The following SEC61A2 variants were observed in gnomAD, a reference collection of about 807,000 sequenced individuals.
SEC61A2 encodes SEC61 translocon subunit alpha 2, also known as protein transport protein Sec61 subunit alpha isoform 2.
Under a neutral mutation model 59.9 loss-of-function variants are expected in SEC61A2, and 28 were observed. That is an observed-to-expected ratio of 0.47 (90% CI 0.35 to 0.64). SEC61A2 has a LOEUF of 0.64. SEC61A2 is among the 30% of genes least tolerant of loss of function. The pLI, the probability that SEC61A2 is intolerant of heterozygous loss-of-function variation, is 0.01. For synonymous variants in SEC61A2, 202 were observed against 214.4 expected, an observed-to-expected ratio of 0.94 and a Z score of 0.50; for missense variants, 340 against 585.9, an observed-to-expected ratio of 0.58 and a Z score of 4.33.
rs898731002 is a variant in SEC61A2, at chr10:12,161,504, A to T, written c.1167+383A>T. On this transcript the variant is annotated intron_variant, in intron 10 of 11. Transcript: ENST00000298428. The surrounding 1 kb of genome is among the most constrained non-coding windows in gnomAD (Gnocchi z 5.4). ...ACGCCTGTAATCCCAGCACTTCGGG[A>T]GGCCGAGGTGGGCAGATCCCATGGG... Among the ~76,000 whole-genome samples, 1 of 152,228 alleles carries T rather than the reference A, an allele frequency of 6.6e-6. No homozygotes were observed. Among genetic ancestry groups the T allele is most frequent in the Non-Finnish European group, 1.5e-5 (1 of 68,044 alleles).
Position 12,155,269 on chromosome 10 carries a change from A to G in SEC61A2, c.463-509A>G, listed in dbSNP as rs1425502730. The G allele has an allele frequency of 1.5e-6, 2 of 1,305,416 alleles. No individual in the cohort carries two copies. Among genetic ancestry groups the G allele is most frequent in the Admixed American group, 3.1e-5 (1 of 32,082 alleles). 80.9% of individuals were successfully genotyped at this position (1,305,416 alleles called of 1,614,324 possible). On this transcript the variant is annotated intron_variant, in intron 6 of 11. Transcript: ENST00000298428. The surrounding 1 kb of genome is among the most constrained non-coding windows in gnomAD (Gnocchi z 4.3). ...GTTTTTTATTCTGTACACATTTTAT[A>G]GAGTATACATATATATAATATATAT...
downstream of SEC61A2, chr10:12,167,705 A>T: frequency 6.2e-7 from 1 of 1,614,084 alleles, no homozygotes; most frequent in Non-Finnish European, 8.5e-7. Flanking sequence ...TTTGGGCTTA[A>T]AATTTCAAGA....
At position 12,160,816 on chromosome 10, in the gene SEC61A2, C is replaced by A; in HGVS notation, c.976-114C>A. ...TTCTGAAACTACATAGAATGACTAG[C>A]TGTAGATGCCTTGAACTTAAAACAC... On this transcript the variant is annotated intron_variant, in intron 9 of 11. Coordinates refer to ENST00000298428, the MANE Select transcript of SEC61A2 (RefSeq NM_018144.4). The surrounding 1 kb of genome is among the most constrained non-coding windows in gnomAD (Gnocchi z 4.1). The A allele has an allele frequency of 4.9e-6, 4 of 810,420 alleles. No individual in the cohort carries two copies. The highest frequency in any genetic ancestry group is 5.9e-6 in the Non-Finnish European group (3 of 505,160). 50.2% of individuals were successfully genotyped at this position (810,420 alleles called of 1,614,324 possible). A position where few individuals can be genotyped will look rare whatever the true frequency, so the allele number is the denominator to read the frequency against.
downstream of SEC61A2, among the ~76,000 whole-genome samples, chr10:12,168,476 G>A (rs2131694813): frequency 6.6e-6 from 1 of 152,278 alleles, no homozygotes; most frequent in Non-Finnish European, 1.5e-5. The surrounding 1 kb of genome is among the most constrained non-coding windows in gnomAD (Gnocchi z 4.8). Flanking sequence ...CTGCTGCTAG[G>A]GGATACATAT....
In SEC61A2 at chr10:12,158,255, G is replaced by T. The variant is rs976562895; in HGVS notation, c.975+150G>T. 23 of 644,684 alleles carry T rather than the reference G, an allele frequency of 3.6e-5. No individual in the cohort carries two copies. Among genetic ancestry groups the T allele is most frequent in the Non-Finnish European group, 4.7e-5 (18 of 386,590 alleles). The allele number at this position is 644,684 out of a possible 1,614,324, so 39.9% of individuals were successfully genotyped here. ...AGCAGAGTTTAGTACTTATCTGGAAGAACTGGTAAGTGTTGCAGAAGTAAG... is the reference window on the plus strand; with the variant it reads ...AGCAGAGTTTAGTACTTATCTGGAATAACTGGTAAGTGTTGCAGAAGTAAG... On this transcript the variant is annotated intron_variant, in intron 9 of 11. Transcript: ENST00000298428. The surrounding 1 kb of genome is among the most constrained non-coding windows in gnomAD (Gnocchi z 5.7).
At position 12,164,261 on chromosome 10, in the gene SEC61A2, C is replaced by A. The variant is rs1257754934; in HGVS notation, c.1245-7C>A. The A allele has an allele frequency of 6.2e-7, 1 of 1,612,500 alleles. No individual in the cohort carries two copies. The highest frequency in any genetic ancestry group is 1.7e-5 in the Admixed American group (1 of 59,986). On this transcript the variant is annotated splice_polypyrimidine_tract_variant and splice_region_variant and intron_variant, in intron 11 of 11. Transcript: ENST00000298428. This position sits in a 1 kb window ranked among gnomAD's most constrained non-coding sequence, Gnocchi z 7.3. ...GCTGCCGCCTAACTTGGGGTTCTGT[C>A]TCCTAGGTACATCCCCACCGCAGCT...
intron 3 of SEC61A2, among the ~76,000 whole-genome samples, chr10:12,136,459 T>C (rs1282109496): frequency 6.6e-6 from 1 of 150,714 alleles, no homozygotes; most frequent in Non-Finnish European, 1.5e-5. Flanking sequence ...AGGTTCCTAC[T>C]ACCATGCCCA....
chr10:12,169,715 A>G, downstream of SEC61A2: 1 of 226,574 alleles, frequency 4.4e-6, no homozygotes, highest in Non-Finnish European at 8.6e-6. This position sits in a 1 kb window ranked among gnomAD's most constrained non-coding sequence, Gnocchi z 4.8. Flanking sequence ...AAGAAATCAC[A>G]GCAGCCTTTG....
Position 12,158,251 on chromosome 10 carries a change from G to GA in SEC61A2, c.975+146_975+147insA. On this transcript the variant is annotated intron_variant, in intron 9 of 11. Transcript: ENST00000298428. The surrounding 1 kb of genome is among the most constrained non-coding windows in gnomAD (Gnocchi z 5.7). ...ATATAGCAGAGTTTAGTACTTATCT[G>GA]GAAGAACTGGTAAGTGTTGCAGAAG... 1 of 653,886 alleles carries GA rather than the reference G, an allele frequency of 1.5e-6. No individual in the cohort carries two copies. The highest frequency in any genetic ancestry group is 2.5e-6 in the Non-Finnish European group (1 of 393,348). The allele number at this position is 653,886 out of a possible 1,614,324, so 40.5% of individuals were successfully genotyped here. A position where few individuals can be genotyped will look rare whatever the true frequency, so the allele number is the denominator to read the frequency against.
intron 4 of SEC61A2, among the ~76,000 whole-genome samples, chr10:12,147,738 G>A (rs1834175465): frequency 6.6e-6 from 1 of 151,540 alleles, no homozygotes; most frequent in South Asian, 2.1e-4. Flanking sequence ...TGTGAGGCAT[G>A]AGGCATGAGG....
At chr10:12,130,524 T>C (rs947027302) in intron 1 of SEC61A2, among the ~76,000 whole-genome samples, 4 of 151,944 alleles carry the variant, frequency 2.6e-5, no homozygotes, top group Admixed American at 1.3e-4. Flanking sequence ...CGTGGTAAAA[T>C]TTTGCATCAC....
Position 12,155,016 on chromosome 10 carries a change from G to A in SEC61A2, c.463-762G>A, listed in dbSNP as rs779422333. 2.5e-4 allele frequency among the ~76,000 whole-genome samples: 38 copies of A among 151,998 alleles called. No individual in the cohort carries two copies. The highest frequency in any genetic ancestry group is 4.0e-4 in the Non-Finnish European group (27 of 68,012). Reference sequence around the variant, plus strand: ...CTGAGGAGGTCACTTGAAGGGCTAGGGACTGTTTTTAATTAATGCATACTT... The same window carrying A: ...CTGAGGAGGTCACTTGAAGGGCTAGAGACTGTTTTTAATTAATGCATACTT... On this transcript the variant is annotated intron_variant, in intron 6 of 11. Coordinates refer to ENST00000298428, the MANE Select transcript of SEC61A2 (RefSeq NM_018144.4). The surrounding 1 kb of genome is among the most constrained non-coding windows in gnomAD (Gnocchi z 4.3).
Position 12,133,325 on chromosome 10 carries a change from A to G in SEC61A2, c.75+17A>G, listed in dbSNP as rs752862106. ...GAAAGGAAAGTAAGTATAATATTTT[A>G]GTAATATAGAGGGTAGCTCAAGGGC... On this transcript the variant is annotated intron_variant, in intron 2 of 11. Coordinates refer to ENST00000298428, the MANE Select transcript of SEC61A2 (RefSeq NM_018144.4). The G allele has an allele frequency of 1.9e-5, 25 of 1,306,854 alleles. No individual in the cohort carries two copies. In the African/African-American group the frequency reaches 2.3e-4, roughly 12 times the overall value. 81.0% of individuals were successfully genotyped at this position (1,306,854 alleles called of 1,614,324 possible). A position where few individuals can be genotyped will look rare whatever the true frequency, so the allele number is the denominator to read the frequency against.
At chr10:12,157,340 CTTTTT>C (rs909065396) in intron 8 of SEC61A2, among the ~76,000 whole-genome samples, 1 of 150,940 alleles carries the variant, frequency 6.6e-6, no homozygotes, top group Non-Finnish European at 1.5e-5. Flanking sequence ...CTTTTCTTTT[CTTTTT>C]TTTTCCTGAG....
intron 3 of SEC61A2, among the ~76,000 whole-genome samples, chr10:12,138,683 CGTTACGTCA>C (rs1833942669): frequency 6.6e-6 from 1 of 152,170 alleles, no homozygotes. Context: ...TTCATATGGT[CGTTACGTCA>C]GTAACTCATT....
chr10:12,165,938 A>AT (rs1343973171), downstream of SEC61A2: 1 of 152,360 alleles, frequency 6.6e-6, no homozygotes, highest in Admixed American at 6.5e-5. Flanking sequence ...AGAAGGTGGA[A>AT]ATATGGCTTT....
In SEC61A2 at chr10:12,131,682, CTTTTTTTTTTTT is replaced by C. The variant is rs1199525836; in HGVS notation, c.8-1542_8-1531del. On this transcript the variant is annotated intron_variant, in intron 1 of 11. Transcript: ENST00000298428. ...ATGAAATCAAACAGAGATTACATAC[CTTTTTTTTTTTT>C]TTTTTTTTTTTTTTTTGAGACGGTC... 3.0e-4 allele frequency among the ~76,000 whole-genome samples: 14 copies of C among 46,554 alleles called. No homozygotes were observed. In the Admixed American group the frequency reaches 3.8e-3, roughly 13 times the overall value. The allele number at this position is 46,554 out of a possible 152,430, so 30.5% of individuals were successfully genotyped here. A position where few individuals can be genotyped will look rare whatever the true frequency, so the allele number is the denominator to read the frequency against.
intron 2 of SEC61A2, 50 bp downstream of exon 2, chr10:12,133,358 A>G (rs1260533662): frequency 6.5e-6 from 6 of 925,998 alleles, no homozygotes; most frequent in East Asian, 2.4e-5. Flanking sequence ...GGCTTGTTCT[A>G]TGAAACCAGC....
rs757648672 is a variant in SEC61A2, at chr10:12,149,985, T to C, written c.462+24T>C. 2.4e-5 allele frequency: 36 copies of C among 1,491,072 alleles called. 1 individual carries two copies. The Middle Eastern group carries it at 2.9e-3, about 121-fold the overall frequency. The allele number at this position is 1,491,072 out of a possible 1,614,324, so 92.4% of individuals were successfully genotyped here. On this transcript the variant is annotated intron_variant, in intron 6 of 11. Coordinates refer to ENST00000298428, the MANE Select transcript of SEC61A2 (RefSeq NM_018144.4). This position sits in a 1 kb window ranked among gnomAD's most constrained non-coding sequence, Gnocchi z 5.2. Reference sequence around the variant, plus strand: ...AGGTAAGAAATCCTATATTTTCCTATGCAGATAACAAAACAGTTTGATTCC... The same window carrying C: ...AGGTAAGAAATCCTATATTTTCCTACGCAGATAACAAAACAGTTTGATTCC...
Sources: allele counts gnomAD v4.1 joint callset (sites outside exome capture counted in the v4.1 genomes callset), GRCh38; gene constraint gnomAD v4.1.1; non-coding constraint Gnocchi (gnomAD v3.1); transcripts MANE v1.5; gene names NCBI Gene and HGNC (gene_info 2026-07-23, HGNC 2026-07-21).